DPH6: variants seen among roughly 807,000 people sequenced by gnomAD.
DPH6 encodes diphthamine biosynthesis 6.
A neutral mutation model predicts 38.2 loss-of-function variants in DPH6; 33 were observed. The ratio of observed to expected loss-of-function variants is 0.86; its 90% CI spans 0.65 to 1.15. The LOEUF is 1.15. DPH6 is among the 50% of genes most tolerant of loss of function. The pLI is 0.00. For synonymous variants in DPH6, 108 were observed against 103.0 expected, an observed-to-expected ratio of 1.05 and a Z score of -0.30; for missense variants, 325 against 320.0, an observed-to-expected ratio of 1.02 and a Z score of -0.12.
intron 3 of DPH6, among the ~76,000 whole-genome samples, chr15:35,284,422 G>A (rs1373536509): frequency 6.6e-6 from 1 of 151,936 alleles, no homozygotes; most frequent in African/African-American, 2.4e-5. Context: ...AAGGAGACGT[G>A]TCTACATTAC....
chr15:35,213,201 T>C (rs2051395953), downstream of DPH6, among the ~76,000 whole-genome samples: 1 of 152,216 alleles, frequency 6.6e-6, no homozygotes, highest in African/African-American at 2.4e-5. Context: ...AGGTTTGTCA[T>C]GTTCCAACCT....
chr15:35,164,458 A>C, the DPH6 span, among the ~76,000 whole-genome samples: 1 of 151,726 alleles, frequency 6.6e-6, no homozygotes, highest in Non-Finnish European at 1.5e-5. Flanking sequence ...AACTTGGCAA[A>C]ATCGCTGCTT....
intron 3 of DPH6, among the ~76,000 whole-genome samples, chr15:35,516,314 C>G (rs1229419313): frequency 1.3e-5 from 2 of 152,018 alleles, no homozygotes; most frequent in African/African-American, 4.8e-5. Flanking sequence ...CTCTATGGCC[C>G]CAATGAAAGA....
intron 3 of DPH6, among the ~76,000 whole-genome samples, chr15:35,507,878 C>A (rs1328402998): frequency 6.6e-6 from 1 of 151,570 alleles, no homozygotes; most frequent in African/African-American, 2.4e-5. Context: ...ATATATATAA[C>A]CCATATATAT....
chr15:35,153,719 C>CAG, the DPH6 span, among the ~76,000 whole-genome samples: 1 of 151,622 alleles, frequency 6.6e-6, no homozygotes, highest in South Asian at 2.1e-4. Context: ...GAGAGAAAGA[C>CAG]AGAGAGAGAG....
At chr15:35,298,713 C>A (rs2052031988) in intron 3 of DPH6, 4 of 1,581,026 alleles carry the variant, frequency 2.5e-6, no homozygotes, top group East Asian at 2.2e-5. Context: ...TCCCGGAAGC[C>A]GTACTTCTGT....
At chr15:35,429,276 T>G (rs903446097) in intron 5 of DPH6, among the ~76,000 whole-genome samples, 2 of 152,162 alleles carry the variant, frequency 1.3e-5, no homozygotes, top group African/African-American at 2.4e-5. Flanking sequence ...TGCTATTGTT[T>G]AGCAATATCT....
At chr15:35,391,798 G>A (rs1227633133) in intron 6 of DPH6, among the ~76,000 whole-genome samples, 1 of 152,180 alleles carries the variant, frequency 6.6e-6, no homozygotes, top group Non-Finnish European at 1.5e-5. Flanking sequence ...CCCAGGTGAG[G>A]TGATGCCTCG....
At chr15:35,340,252 ATTTTGAG>A (rs1191377825) in intron 3 of DPH6, among the ~76,000 whole-genome samples, 1 of 131,748 alleles carries the variant, frequency 7.6e-6, no homozygotes, top group Non-Finnish European at 1.6e-5. Flanking sequence ...CCATTCCTTT[ATTTTGAG>A]CCTATTTGTG....
At chr15:35,163,340 G>A in the DPH6 span, among the ~76,000 whole-genome samples, 9 of 151,830 alleles carry the variant, frequency 5.9e-5, no homozygotes, top group Admixed American at 3.3e-4. Context: ...GATATTGACC[G>A]AAGTGAAATC....
At chr15:35,358,606 T>A (rs1283801576) in intron 3 of DPH6, among the ~76,000 whole-genome samples, 1 of 152,226 alleles carries the variant, frequency 6.6e-6, no homozygotes, top group Non-Finnish European at 1.5e-5. Flanking sequence ...CCCTTTTTCC[T>A]ATGGATGTAG....
chr15:35,264,286 C>T (rs1168016185), intron 3 of DPH6, among the ~76,000 whole-genome samples: 1 of 152,078 alleles, frequency 6.6e-6, no homozygotes, highest in Non-Finnish European at 1.5e-5. Context: ...TTCCATCTGA[C>T]ATTTATTTCA....
chr15:35,460,903 T>A (rs1255934204), intron 3 of DPH6, among the ~76,000 whole-genome samples: 42 of 114,728 alleles, frequency 3.7e-4, no homozygotes, highest in East Asian at 5.0e-4. Context: ...CACAAACTGG[T>A]AAAAAAAAAA....
intron 3 of DPH6, among the ~76,000 whole-genome samples, chr15:35,319,766 AT>A: frequency 6.6e-6 from 1 of 151,582 alleles, no homozygotes. Flanking sequence ...TCTTACATAT[AT>A]TTATTTATAA....
At chr15:35,228,043 A>G (rs1431725561) in intron 3 of DPH6, among the ~76,000 whole-genome samples, 1 of 152,094 alleles carries the variant, frequency 6.6e-6, no homozygotes, top group Non-Finnish European at 1.5e-5. Context: ...GACCTAATAT[A>G]TGGTTTTTCC....
At chr15:35,482,180 TGGCA>T (rs1289045459) in intron 3 of DPH6, among the ~76,000 whole-genome samples, 1 of 152,194 alleles carries the variant, frequency 6.6e-6, no homozygotes, top group African/African-American at 2.4e-5. Context: ...TGTGATCTCC[TGGCA>T]AACGAACTGA....
chr15:35,199,280 A>G, the DPH6 span, among the ~76,000 whole-genome samples: 382 of 152,326 alleles, frequency 2.5e-3, 3 homozygotes, highest in African/African-American at 8.9e-3. Context: ...GTCCCTAAGA[A>G]GCTCAGTCAG....
intron 2 of DPH6, among the ~76,000 whole-genome samples, chr15:35,538,727 C>T (rs1423201827): frequency 6.6e-6 from 1 of 151,888 alleles, no homozygotes; most frequent in African/African-American, 2.4e-5. Flanking sequence ...TTTGTTGTAC[C>T]ATATATGGTA....
At chr15:35,517,553 G>A (rs2054864034) in intron 3 of DPH6, among the ~76,000 whole-genome samples, 2 of 151,986 alleles carry the variant, frequency 1.3e-5, no homozygotes, top group African/African-American at 2.4e-5. Context: ...TGGTTATTGA[G>A]AATTTGTACC....
Sources: allele counts gnomAD v4.1 joint callset (sites outside exome capture counted in the v4.1 genomes callset), GRCh38; gene constraint gnomAD v4.1.1; transcripts MANE v1.5; gene names NCBI Gene and HGNC (gene_info 2026-07-23, HGNC 2026-07-21).